Variants in DFFB observed in about 807,000 individuals in gnomAD.
The protein encoded by DFFB is DNA fragmentation factor 40 kDa subunit.
Under a neutral mutation model 32.7 loss-of-function variants are expected in DFFB, and 29 were observed. That is an observed-to-expected ratio of 0.89 (90% confidence interval 0.66 to 1.21). DFFB has a LOEUF of 1.21. Ranked by LOEUF, DFFB falls within the 50% of genes most tolerant of loss-of-function variation. DFFB has a pLI of 0.00. For missense variants in DFFB, 398 were observed against 440.6 expected (o/e 0.90, Z 0.87); for synonymous variants, 170 against 177.1 (o/e 0.96, Z 0.32).
intron 6 of DFFB, among the ~76,000 whole-genome samples, chr1:3,873,758 T>C (rs59509195): frequency 0.17 from 26,211 of 151,942 alleles, 2,283 homozygotes; most frequent in African/African-American, 0.23. Flanking sequence ...GGGTTACAGG[T>C]GTGAGCCACT....
In DFFB at chr1:3,884,307, G is replaced by A. The variant is rs900910457; in HGVS notation, c.*566G>A. On this transcript the variant is annotated 3_prime_UTR_variant, in exon 7 of 7. Transcript: ENST00000378209. The stretch of plus-strand genomic sequence containing the variant: ...GGATAAGAATTGTCTCTGGGCTGAG[G>A]AATTCTTCTGTTCTCTGGTTTCACC... 2 of 155,428 alleles carry A rather than the reference G, an allele frequency of 1.3e-5. No individual in the cohort carries two copies. The highest frequency in any genetic ancestry group is 4.8e-5 in the African/African-American group (2 of 41,464). The allele number at this position is 155,428 out of a possible 1,614,324, so 9.6% of individuals were successfully genotyped here.
chr1:3,869,477 A>C, intron 4 of DFFB, 128 bp from the exon 5 acceptor site: 1 of 983,342 alleles, frequency 1.0e-6, no homozygotes, highest in Non-Finnish European at 1.5e-6. Flanking sequence ...ACGTGAACTC[A>C]GACCCTCTGA....
At chr1:3,860,364 C>T in intron 2 of DFFB, 1 of 363,992 alleles carries the variant, frequency 2.7e-6, no homozygotes, top group Non-Finnish European at 5.9e-6. Context: ...GTATCTGGGA[C>T]CACAGGCATG....
Position 3,865,760 on chromosome 1 carries a change from A to G in DFFB, c.242-52A>G, listed in dbSNP as rs1277554477. On this transcript the variant is annotated intron_variant, in intron 2 of 6. Coordinates refer to ENST00000378209, the MANE Select transcript of DFFB (RefSeq NM_004402.4). This position sits in a 1 kb window ranked among gnomAD's most constrained non-coding sequence, Gnocchi z 4.7. ...CAGAGGCTCTTCTTGTGACCGGGGC[A>G]GGATGTGTCTTCTGCTGGACCGGCA... The G allele has an allele frequency of 1.2e-6, 2 of 1,613,946 alleles. No homozygotes were observed. Among genetic ancestry groups the G allele is most frequent in the East Asian group, 4.5e-5 (2 of 44,880 alleles).
chr1:3,865,724 G>A lies in DFFB; in HGVS notation c.242-88G>A. The A allele has an allele frequency of 2.5e-6, 4 of 1,602,338 alleles. No individual in the cohort carries two copies. Among genetic ancestry groups the A allele is most frequent in the Non-Finnish European group, 1.7e-6 (2 of 1,169,380 alleles). On this transcript the variant is annotated intron_variant, in intron 2 of 6. Coordinates refer to ENST00000378209, the MANE Select transcript of DFFB (RefSeq NM_004402.4). This position sits in a 1 kb window ranked among gnomAD's most constrained non-coding sequence, Gnocchi z 4.7. ...GATTGCCAGGCCCTGGGGAATGGGG[G>A]AAGATGTGGTCAGAGGCTCTTCTTG...
At chr1:3,863,620 G>A (rs914181165) in intron 2 of DFFB, among the ~76,000 whole-genome samples, 1 of 152,162 alleles carries the variant, frequency 6.6e-6, no homozygotes, top group Non-Finnish European at 1.5e-5. Context: ...AGTCTCCAAT[G>A]ATGAACACTT....
intron 6 of DFFB, among the ~76,000 whole-genome samples, chr1:3,881,011 G>A (rs565809704): frequency 6.6e-5 from 10 of 152,254 alleles, no homozygotes; most frequent in African/African-American, 2.4e-4. Context: ...CACTCCCGAT[G>A]TCCACACCCT....
At chr1:3,864,388 C>A (rs1250268963) in intron 2 of DFFB, among the ~76,000 whole-genome samples, 1 of 152,228 alleles carries the variant, frequency 6.6e-6, no homozygotes, top group African/African-American at 2.4e-5. Flanking sequence ...TACCTTTCCA[C>A]TGCGCAGTTT....
chr1:3,881,538 C>T lies in DFFB; in HGVS notation c.783-1969C>T, dbSNP rs192914779. On this transcript the variant is annotated intron_variant, in intron 6 of 6. Transcript: ENST00000378209. ...GCACTAATTTCTCTTTGGTTTCTGGCAGCTGGGGAGCCCCTTTCTTTTGAT... is the reference window on the plus strand; with the variant it reads ...GCACTAATTTCTCTTTGGTTTCTGGTAGCTGGGGAGCCCCTTTCTTTTGAT... Among the ~76,000 whole-genome samples the T allele has an allele frequency of 3.7e-3, 561 of 152,318 alleles. 2 individuals carry two copies. The highest frequency in any genetic ancestry group is 6.2e-3 in the Non-Finnish European group (420 of 68,030).
At chr1:3,858,991 A>G in intron 2 of DFFB, 147 bp downstream of exon 2, 2 of 1,217,642 alleles carry the variant, frequency 1.6e-6, no homozygotes, top group Middle Eastern at 2.8e-4. Context: ...TGGAGGCAGA[A>G]CTGGTCAGCG....
At chr1:3,871,746 G>A (rs980347222) in intron 5 of DFFB, among the ~76,000 whole-genome samples, 1 of 152,222 alleles carries the variant, frequency 6.6e-6, no homozygotes, top group African/African-American at 2.4e-5. Context: ...AAAGAAAAGA[G>A]GTGCAATTGG....
chr1:3,884,050 A>G lies in DFFB; in HGVS notation c.*309A>G, dbSNP rs532521166. ...AGGCATGTGCCACCACGCCCGGCTA[A>G]TGTTTGTATTTTTAGTAGAGACGGG... is the stretch of plus-strand genomic sequence containing the variant. On this transcript the variant is annotated 3_prime_UTR_variant, in exon 7 of 7. Coordinates refer to ENST00000378209, the MANE Select transcript of DFFB (RefSeq NM_004402.4). 2 of 337,818 alleles carry G rather than the reference A, an allele frequency of 5.9e-6. No individual in the cohort carries two copies. The highest frequency in any genetic ancestry group is 1.3e-4 in the East Asian group (2 of 14,856). The allele number at this position is 337,818 out of a possible 1,614,324, so 20.9% of individuals were successfully genotyped here. A position where few individuals can be genotyped will look rare whatever the true frequency, so the allele number is the denominator to read the frequency against.
At position 3,870,216 on chromosome 1, in the gene DFFB, A is replaced by G. The variant is rs1483821513; in HGVS notation, c.681+441A>G. Among the ~76,000 whole-genome samples the G allele has an allele frequency of 2.6e-5, 4 of 152,310 alleles. No individual in the cohort carries two copies. In the South Asian group the frequency reaches 8.3e-4, roughly 32 times the overall value. ...GTGGTCTGGCCTTTAGTGGTGATGC[A>G]TCTGTGTCTCTGGCGAGTCCTGGGC... On this transcript the variant is annotated intron_variant, in intron 5 of 6. Transcript: ENST00000378209.
intron 1 of DFFB, 58 bp from the exon 2 acceptor site, chr1:3,858,660 A>G: frequency 6.3e-7 from 1 of 1,584,528 alleles, no homozygotes; most frequent in Non-Finnish European, 8.6e-7. Context: ...AGGCCTGCAG[A>G]TGCAAAGCCC....
At chr1:3,879,447 C>T (rs752609967) in intron 6 of DFFB, among the ~76,000 whole-genome samples, 16 of 152,052 alleles carry the variant, frequency 1.1e-4, no homozygotes, top group Admixed American at 7.2e-4. Flanking sequence ...CTGCATCAGG[C>T]GATAAGGTCT....
chr1:3,874,001 C>T (rs1047654215), intron 6 of DFFB, among the ~76,000 whole-genome samples: 2 of 149,810 alleles, frequency 1.3e-5, no homozygotes, highest in Non-Finnish European at 3.0e-5. Flanking sequence ...ACACCTTGCC[C>T]CGAGGGAAAA....
At chr1:3,875,537 C>T (rs1423524179) in intron 6 of DFFB, among the ~76,000 whole-genome samples, 2 of 152,218 alleles carry the variant, frequency 1.3e-5, no homozygotes, top group Non-Finnish European at 2.9e-5. Flanking sequence ...CTTGCTGACA[C>T]TTGGTGTCAT....
chr1:3,876,075 G>A (rs1645216025), intron 6 of DFFB, among the ~76,000 whole-genome samples: 1 of 152,128 alleles, frequency 6.6e-6, no homozygotes, highest in African/African-American at 2.4e-5. Flanking sequence ...ACTGTGCCTG[G>A]CCCACAACAA....
At chr1:3,857,849 G>C (rs1644782925) in intron 1 of DFFB, 132 bp downstream of exon 1, 2 of 620,304 alleles carry the variant, frequency 3.2e-6, no homozygotes, top group Non-Finnish European at 5.2e-6. Context: ...CGCCTCAGCC[G>C]CTAGGACCCC....
Sources: gnomAD v4.1 joint callset for allele counts (sites outside exome capture counted in the v4.1 genomes callset) on GRCh38, gnomAD v4.1.1 for gene constraint, Gnocchi (gnomAD v3.1) non-coding constraint, MANE v1.5 for transcripts, NCBI Gene and HGNC (gene_info 2026-07-23, HGNC 2026-07-21) for gene names.